GRIA3: variants seen among roughly 807,000 people sequenced by gnomAD.
GRIA3 encodes the protein glutamate ionotropic receptor AMPA type subunit 3.
GRIA3 carries 3 observed loss-of-function variants against 63.0 expected under a neutral mutation model. The ratio of observed to expected loss-of-function variants is 0.05; its 90% CI spans 0.02 to 0.12. GRIA3 has a LOEUF of 0.12. Ranked by LOEUF, GRIA3 falls within the 10% of genes least tolerant of loss-of-function variation. GRIA3 has a pLI of 1.00. For synonymous variants in GRIA3, 274 were observed against 257.9 expected (o/e 1.06, Z -0.60); for missense variants, 347 against 700.9 (o/e 0.50, Z 5.70).
At chrX:123,237,831 G>A (rs1025553702) in intron 2 of GRIA3, among the ~76,000 whole-genome samples, 6 of 110,973 alleles carry the variant, frequency 5.4e-5, no homozygotes, top group South Asian at 3.8e-4. Flanking sequence ...GCTATTTTTA[G>A]TCAGATTCCA....
At chrX:123,202,564 C>T (rs1927770746) in intron 2 of GRIA3, 1 of 1,035,427 alleles carries the variant, frequency 9.7e-7, no homozygotes, top group Non-Finnish European at 1.3e-6. Context: ...CTTGAAGTGC[C>T]CCCTTTCCAC....
At chrX:123,361,921 T>A (rs1252500257) in intron 5 of GRIA3, among the ~76,000 whole-genome samples, 3 of 111,515 alleles carry the variant, frequency 2.7e-5, no homozygotes, top group Non-Finnish European at 5.6e-5. Flanking sequence ...AAAAATGAAA[T>A]AAGCAAAATA....
chrX:123,472,624 G>C (rs1217808782), intron 13 of GRIA3, among the ~76,000 whole-genome samples: 1 of 111,735 alleles, frequency 8.9e-6, no homozygotes, highest in Non-Finnish European at 1.9e-5. Context: ...CTACTAGATG[G>C]AGAAGTTGAA....
In GRIA3 at chrX:123,352,207, A is replaced by T. The variant is rs746537517; in HGVS notation, c.697-2703A>T. 3.9e-3 allele frequency among the ~76,000 whole-genome samples: 435 copies of T among 110,758 alleles called. 2 individuals carry two copies. The highest frequency in any genetic ancestry group is 5.4e-3 in the Non-Finnish European group (287 of 52,886). On this transcript the variant is annotated intron_variant, in intron 4 of 15. Transcript: ENST00000620443. ...GTGATTCTCCTGCCTCAGCCTCCCGAGTAGCTGGGATTACAGGCATCTGCC... is the reference window on the plus strand; with the variant it reads ...GTGATTCTCCTGCCTCAGCCTCCCGTGTAGCTGGGATTACAGGCATCTGCC...
At chrX:123,420,565 A>C (rs1352806507) in intron 11 of GRIA3, among the ~76,000 whole-genome samples, 1 of 111,308 alleles carries the variant, frequency 9.0e-6, no homozygotes, top group African/African-American at 3.3e-5. Context: ...CTGGTAATCT[A>C]TGTTGAGACA....
intron 2 of GRIA3, among the ~76,000 whole-genome samples, chrX:123,230,289 T>C (rs1042601806): frequency 8.9e-6 from 1 of 112,124 alleles, no homozygotes; most frequent in Non-Finnish European, 1.9e-5. Flanking sequence ...TTCTGCAATT[T>C]TCCTAATTCA....
In GRIA3 at chrX:123,253,509, G is replaced by A; in HGVS notation, c.475G>A (p.Glu159Lys). Residue 159 changes from glutamate to lysine, a missense_variant, in exon 3 of 16, where the codon GAG becomes AAG. Physicochemically the swap from Glu to Lys is moderately conservative, Grantham distance 56. Around this residue, in one of 8 missense-constraint regions of GRIA3, gnomAD observed 113 missense variants for 130.6 expected, o/e 0.87. Coordinates refer to ENST00000620443, the MANE Select transcript of GRIA3 (RefSeq NM_007325.5). ...GAGTCTTCTGGGTCATTACAAGTGGGAGAAGTTTGTGTACCTCTATGACAC... is the reference window on the plus strand; with the variant it reads ...GAGTCTTCTGGGTCATTACAAGTGGAAGAAGTTTGTGTACCTCTATGACAC... The part of the protein sequence containing the change: ...ILSLLGHYKW[E>K]KFVYLYDTER... 1 of 1,208,225 alleles carries A rather than the reference G, an allele frequency of 8.3e-7. No individual in the cohort carries two copies. The highest frequency in any genetic ancestry group is 1.1e-6 in the Non-Finnish European group (1 of 892,541).
At chrX:123,431,825 A>C (rs1487345587) in intron 12 of GRIA3, among the ~76,000 whole-genome samples, 3 of 112,502 alleles carry the variant, frequency 2.7e-5, no homozygotes, top group Non-Finnish European at 3.8e-5. Flanking sequence ...GATGCATTCA[A>C]ATAATTATTT....
At chrX:123,370,234 T>A (rs1312150093) in intron 5 of GRIA3, among the ~76,000 whole-genome samples, 1 of 111,054 alleles carries the variant, frequency 9.0e-6, no homozygotes, top group Admixed American at 9.6e-5. Flanking sequence ...AAGCCCCTTT[T>A]TAACACACAC....
At position 123,292,469 on chromosome X, in the gene GRIA3, C is replaced by G. The variant is rs1313121955; in HGVS notation, c.509-33557C>G. ...AGTCGGTACAAAGGACTTCTTCTAA[C>G]CTAAAAACAACCTTTGAAGACCTCC... On this transcript the variant is annotated intron_variant, in intron 3 of 15. Coordinates refer to ENST00000620443, the MANE Select transcript of GRIA3 (RefSeq NM_007325.5). Among the ~76,000 whole-genome samples, 3 of 110,626 alleles carry G rather than the reference C, an allele frequency of 2.7e-5. No homozygotes were observed. The East Asian group carries it at 8.6e-4, about 32-fold the overall frequency.
At chrX:123,430,587 C>G (rs1569435497) in intron 12 of GRIA3, among the ~76,000 whole-genome samples, 1 of 111,557 alleles carries the variant, frequency 9.0e-6, no homozygotes, top group Non-Finnish European at 1.9e-5. Flanking sequence ...GCAAAGAAGG[C>G]AGCCAGCAAG....
chrX:123,343,943 C>G (rs73229285), intron 4 of GRIA3, among the ~76,000 whole-genome samples: 1 of 110,511 alleles, frequency 9.0e-6, no homozygotes, highest in Non-Finnish European at 1.9e-5. Context: ...TGCAGTTGTT[C>G]TGTTAGGAAT....
At chrX:123,463,572 AAGGAAGGGAGGG>A (rs1475731698) in intron 12 of GRIA3, among the ~76,000 whole-genome samples, 70 of 31,459 alleles carry the variant, frequency 2.2e-3, no homozygotes, top group East Asian at 4.8e-3. Context: ...GGAAGGAAGG[AAGGAAGGGAGGG>A]AGGGAGGGAG....
At chrX:123,329,721 A>G (rs1357579025) in intron 4 of GRIA3, among the ~76,000 whole-genome samples, 2 of 111,876 alleles carry the variant, frequency 1.8e-5, no homozygotes, top group African/African-American at 6.5e-5. Flanking sequence ...ACTTTCCATA[A>G]GAAGGTTTAG....
chrX:123,325,205 A>G (rs2044893868), intron 3 of GRIA3, among the ~76,000 whole-genome samples: 1 of 112,155 alleles, frequency 8.9e-6, no homozygotes, highest in Non-Finnish European at 1.9e-5. Flanking sequence ...ACCAGCATGT[A>G]GAAAACTCTT....
chrX:123,372,288 A>C (rs921116504), intron 5 of GRIA3, among the ~76,000 whole-genome samples: 4 of 111,783 alleles, frequency 3.6e-5, no homozygotes, highest in Non-Finnish European at 7.5e-5. Context: ...CTGTAGTATA[A>C]TTTGAAGTCA....
At chrX:123,282,281 T>C (rs1329743824) in intron 3 of GRIA3, among the ~76,000 whole-genome samples, 1 of 112,290 alleles carries the variant, frequency 8.9e-6, no homozygotes, top group Non-Finnish European at 1.9e-5. Flanking sequence ...ATCTGTAGTA[T>C]TATACGGACT....
intron 10 of GRIA3, among the ~76,000 whole-genome samples, chrX:123,405,921 C>G (rs1327871761): frequency 8.9e-6 from 1 of 112,526 alleles, no homozygotes; most frequent in Non-Finnish European, 1.9e-5. Context: ...CAATATCACA[C>G]AGTCTGAAAC....
At chrX:123,214,215 A>C (rs1928105837) in intron 2 of GRIA3, among the ~76,000 whole-genome samples, 1 of 112,277 alleles carries the variant, frequency 8.9e-6, no homozygotes, top group African/African-American at 3.2e-5. Context: ...AAGGAAGGAA[A>C]GTCTCCTTTA....
Sources: gnomAD v4.1 joint callset for allele counts (sites outside exome capture counted in the v4.1 genomes callset) on GRCh38, gnomAD v4.1.1 for gene constraint, gnomAD v4.1.1 regional missense constraint, MANE v1.5 for transcripts, NCBI Gene and HGNC (gene_info 2026-07-23, HGNC 2026-07-21) for gene names.